The following NWD2 variants were observed in gnomAD, a reference collection of about 807,000 sequenced individuals.
The protein encoded by NWD2 is NACHT and WD repeat domain containing 2, also known as NACHT and WD repeat domain-containing protein 2.
In NWD2, 37 loss-of-function variants were observed where a neutral mutation model predicts 132.7. That is an observed-to-expected ratio of 0.28 (90% CI 0.21 to 0.37). The LOEUF (loss-of-function observed/expected upper bound fraction) is 0.37. NWD2 is among the 10% of genes least tolerant of loss of function. The pLI is 1.00. For synonymous variants in NWD2, 705 were observed against 803.0 expected (o/e 0.88, Z 2.06); for missense variants, 1,592 against 2,122.4 (o/e 0.75, Z 4.91).
chr4:37,350,583 G>A (rs1719739961), intron 2 of NWD2, among the ~76,000 whole-genome samples: 1 of 152,166 alleles, frequency 6.6e-6, no homozygotes, highest in Admixed American at 6.5e-5. Context: ...GAGTTTTTGG[G>A]CTGAGATGGT....
intron 1 of NWD2, among the ~76,000 whole-genome samples, chr4:37,261,235 G>A (rs563567982): frequency 9.2e-5 from 14 of 152,264 alleles, no homozygotes; most frequent in Non-Finnish European, 1.8e-4. Context: ...GGCTCAACCA[G>A]CTGGCGTGCA....
chr4:37,259,507 C>T (rs542750297), intron 1 of NWD2, among the ~76,000 whole-genome samples: 1 of 152,284 alleles, frequency 6.6e-6, no homozygotes, highest in East Asian at 1.9e-4. Context: ...GAGTCCTGGA[C>T]ATTCCTGCAG....
At chr4:37,266,716 T>A (rs903456060) in intron 1 of NWD2, among the ~76,000 whole-genome samples, 2 of 152,062 alleles carry the variant, frequency 1.3e-5, no homozygotes, top group Admixed American at 6.6e-5. Flanking sequence ...TTTTCTTAAC[T>A]TATATCATTA....
At chr4:37,288,410 T>C (rs1468300664) in intron 1 of NWD2, among the ~76,000 whole-genome samples, 3 of 152,200 alleles carry the variant, frequency 2.0e-5, no homozygotes, top group Non-Finnish European at 4.4e-5. Flanking sequence ...TGCAAATGCC[T>C]CTTGTTCCAG....
chr4:37,286,765 A>G (rs1718239773), intron 1 of NWD2, among the ~76,000 whole-genome samples: 1 of 152,322 alleles, frequency 6.6e-6, no homozygotes, highest in East Asian at 1.9e-4. Flanking sequence ...TACCTGGAGC[A>G]GTTCCTAAGG....
chr4:37,288,813 G>T (rs1935907), intron 1 of NWD2, among the ~76,000 whole-genome samples: 8,151 of 151,946 alleles, frequency 0.054, 506 homozygotes, highest in African/African-American at 0.15. Flanking sequence ...TTGTTTTTTG[G>T]TTTTTGTTTT....
intron 1 of NWD2, among the ~76,000 whole-genome samples, chr4:37,275,753 A>G (rs1490147629): frequency 1.3e-5 from 2 of 152,182 alleles, no homozygotes; most frequent in Admixed American, 6.5e-5. Context: ...AAACAGAGAT[A>G]TAGACCAATG....
At chr4:37,313,856 G>A (rs556772221) in intron 1 of NWD2, among the ~76,000 whole-genome samples, 4 of 150,846 alleles carry the variant, frequency 2.7e-5, no homozygotes, top group East Asian at 3.9e-4. Flanking sequence ...CTGCCCACAC[G>A]CCCTCCTAAT....
chr4:37,320,948 A>G (rs1002387768), intron 1 of NWD2, among the ~76,000 whole-genome samples: 7 of 152,104 alleles, frequency 4.6e-5, no homozygotes, highest in African/African-American at 1.7e-4. Flanking sequence ...ACATGAGGTC[A>G]GCAGTTCGAG....
chr4:37,259,479 G>T (rs553834046), intron 1 of NWD2, among the ~76,000 whole-genome samples: 1 of 152,166 alleles, frequency 6.6e-6, no homozygotes, highest in Non-Finnish European at 1.5e-5. Context: ...ATGGCATGAA[G>T]TGTCTTCCTC....
At chr4:37,399,455 A>G (rs1720861920) in intron 3 of NWD2, among the ~76,000 whole-genome samples, 1 of 152,228 alleles carries the variant, frequency 6.6e-6, no homozygotes, top group Non-Finnish European at 1.5e-5. Context: ...TATTAGCTAC[A>G]TATCTTAAAG....
intron 1 of NWD2, among the ~76,000 whole-genome samples, chr4:37,255,894 C>T (rs142738650): frequency 6.6e-6 from 1 of 152,260 alleles, no homozygotes; most frequent in Non-Finnish European, 1.5e-5. Flanking sequence ...GTGGCACGAG[C>T]TGTGGTTCCC....
intron 2 of NWD2, among the ~76,000 whole-genome samples, chr4:37,353,358 T>C (rs1235001052): frequency 6.6e-6 from 1 of 152,154 alleles, no homozygotes; most frequent in African/African-American, 2.4e-5. Flanking sequence ...CTGTGTGGTG[T>C]TCTCTGATTT....
rs547732417 is a variant in NWD2, at chr4:37,269,055, T to G, written c.151+23837T>G. Among the ~76,000 whole-genome samples, 5 of 152,086 alleles carry G rather than the reference T, an allele frequency of 3.3e-5. No homozygotes were observed. The South Asian group carries it at 1.0e-3, about 32-fold the overall frequency. ...CAGCAGTGATTTTTAAGCCTAGTTC[T>G]TGAGGAATCTCTTTGTCATTATGAG... is the stretch of plus-strand genomic sequence containing the variant. On this transcript the variant is annotated intron_variant, in intron 1 of 6. Transcript: ENST00000309447.
intron 3 of NWD2, among the ~76,000 whole-genome samples, chr4:37,415,123 A>AG (rs551106637): frequency 2.5e-4 from 38 of 152,342 alleles, no homozygotes; most frequent in African/African-American, 8.9e-4. Flanking sequence ...TGTTTTAAAG[A>AG]GTTTTTAAGA....
chr4:37,369,067 A>AAGTCACCTT (rs1335852415), intron 3 of NWD2, among the ~76,000 whole-genome samples: 2 of 152,156 alleles, frequency 1.3e-5, no homozygotes. Context: ...GGATGAGTCT[A>AAGTCACCTT]AGTCACCTTA....
At chr4:37,362,174 CA>C (rs1419130985) in intron 3 of NWD2, among the ~76,000 whole-genome samples, 2 of 152,138 alleles carry the variant, frequency 1.3e-5, no homozygotes, top group Admixed American at 1.3e-4. Flanking sequence ...ACAGATGACG[CA>C]AACAAATGGA....
At chr4:37,341,810 C>T (rs1719532936) in intron 2 of NWD2, among the ~76,000 whole-genome samples, 1 of 152,154 alleles carries the variant, frequency 6.6e-6, no homozygotes, top group East Asian at 1.9e-4. Context: ...AAATAAGTGG[C>T]TCTATGTAGC....
chr4:37,370,634 G>A (rs529925766), intron 3 of NWD2, among the ~76,000 whole-genome samples: 6 of 152,280 alleles, frequency 3.9e-5, no homozygotes, highest in Admixed American at 2.0e-4. Flanking sequence ...CAGCAGGGAA[G>A]CAATTGTATC....
Sources: allele counts gnomAD v4.1 joint callset (sites outside exome capture counted in the v4.1 genomes callset), GRCh38; gene constraint gnomAD v4.1.1; transcripts MANE v1.5; gene names NCBI Gene and HGNC (gene_info 2026-07-23, HGNC 2026-07-21).